Variants in ELMO1 observed in about 807,000 individuals in gnomAD.
ELMO1 encodes the protein engulfment and cell motility protein 1.
ELMO1 carries 26 observed loss-of-function variants against 98.9 expected under a neutral mutation model. The ratio of observed to expected loss-of-function variants is 0.26; its 90% CI spans 0.19 to 0.36. The LOEUF (loss-of-function observed/expected upper bound fraction) is 0.36, where lower values mean the gene tolerates loss of function less well. Ranked by LOEUF, ELMO1 falls within the 10% of genes least tolerant of loss-of-function variation. The pLI is 1.00. For missense variants in ELMO1, 627 were observed against 935.2 expected (o/e 0.67, Z 4.30); for synonymous variants, 346 against 346.0 (o/e 1.00, Z 0.00).
At chr7:37,048,256 T>C (rs192089184) in intron 15 of ELMO1, among the ~76,000 whole-genome samples, 1 of 152,328 alleles carries the variant, frequency 6.6e-6, no homozygotes, top group Admixed American at 6.5e-5. Context: ...CACTGCCAAA[T>C]GTGCCCTGGG....
chr7:36,992,226 G>A (rs1270514676), intron 16 of ELMO1, among the ~76,000 whole-genome samples: 1 of 152,172 alleles, frequency 6.6e-6, no homozygotes, highest in Non-Finnish European at 1.5e-5. Context: ...CTCTTCCAGA[G>A]CACCAGGCTT....
chr7:37,024,652 TCTA>T (rs1794465703), intron 15 of ELMO1, among the ~76,000 whole-genome samples: 1 of 152,210 alleles, frequency 6.6e-6, no homozygotes, highest in African/African-American at 2.4e-5. Flanking sequence ...CTGAGACTCT[TCTA>T]CTATGATGGG....
intron 14 of ELMO1, among the ~76,000 whole-genome samples, chr7:37,129,907 C>T (rs1786791474): frequency 1.3e-5 from 2 of 152,224 alleles, no homozygotes; most frequent in South Asian, 4.1e-4. Context: ...GCCCCGTTTG[C>T]CAGTCCCTGC....
At chr7:37,230,789 CT>C (rs1794129430) in intron 8 of ELMO1, among the ~76,000 whole-genome samples, 1 of 152,190 alleles carries the variant, frequency 6.6e-6, no homozygotes, top group African/African-American at 2.4e-5. Flanking sequence ...ATGATACTCA[CT>C]ATCTTCAGAT....
At chr7:37,057,304 G>A (rs1377534564) in intron 15 of ELMO1, among the ~76,000 whole-genome samples, 8 of 152,042 alleles carry the variant, frequency 5.3e-5, no homozygotes, top group Non-Finnish European at 1.2e-4. Flanking sequence ...GAACCATTTA[G>A]GAATATGTCT....
intron 16 of ELMO1, among the ~76,000 whole-genome samples, chr7:36,935,641 C>T (rs1392746721): frequency 6.6e-6 from 1 of 152,156 alleles, no homozygotes; most frequent in African/African-American, 2.4e-5. Flanking sequence ...CTCAATGACA[C>T]CACAACAGCG....
chr7:37,328,163 A>G (rs1330964469), intron 2 of ELMO1, among the ~76,000 whole-genome samples: 1 of 152,092 alleles, frequency 6.6e-6, no homozygotes, highest in Non-Finnish European at 1.5e-5. Flanking sequence ...TGCGCAGATC[A>G]CTTGAGCTCA....
intron 4 of ELMO1, among the ~76,000 whole-genome samples, chr7:37,289,313 C>T (rs2717980): frequency 0.35 from 53,363 of 151,994 alleles, 10,521 homozygotes; most frequent in Middle Eastern, 0.54. Flanking sequence ...CTTCAGTCAA[C>T]GAGTGGATAT....
chr7:36,879,303 CA>C (rs1383460636), intron 18 of ELMO1, among the ~76,000 whole-genome samples: 3 of 152,156 alleles, frequency 2.0e-5, no homozygotes, highest in Non-Finnish European at 4.4e-5. Flanking sequence ...AATGAAGACC[CA>C]AAGCGACCTG....
intron 2 of ELMO1, among the ~76,000 whole-genome samples, chr7:37,317,404 C>G (rs1046587537): frequency 1.3e-5 from 2 of 152,172 alleles, no homozygotes; most frequent in Non-Finnish European, 2.9e-5. Flanking sequence ...TTCACAATAT[C>G]CAAGATTTGA....
intron 2 of ELMO1, among the ~76,000 whole-genome samples, chr7:37,326,021 T>A (rs2131168775): frequency 6.6e-6 from 1 of 152,314 alleles, no homozygotes; most frequent in African/African-American, 2.4e-5. Flanking sequence ...GAATCAGATG[T>A]GTTCTGAAAA....
At chr7:37,440,705 C>G (rs1814310) in intron 1 of ELMO1, among the ~76,000 whole-genome samples, 80,694 of 149,880 alleles carry the variant, frequency 0.54, 22,245 homozygotes, top group African/African-American at 0.65. Context: ...GTTGGCAGAG[C>G]TTGCAGTGAG....
In ELMO1 at chr7:37,214,461, T is replaced by C. The variant is rs139262929; in HGVS notation, c.832-1004A>G. Among the ~76,000 whole-genome samples, 56 of 152,256 alleles carry C rather than the reference T, an allele frequency of 3.7e-4. No homozygotes were observed. The East Asian group carries it at 6.2e-3, about 17-fold the overall frequency. On this transcript the variant is annotated intron_variant, in intron 11 of 21. Coordinates refer to ENST00000310758, the MANE Select transcript of ELMO1 (RefSeq NM_014800.11). ...AGAGAAAAATGATCTTCCTCCAGGA[T>C]TGGAGGAAGTCTAGGTCCTTAGAGT...
intron 4 of ELMO1, among the ~76,000 whole-genome samples, chr7:37,301,176 A>G (rs551389678): frequency 2.0e-5 from 3 of 152,224 alleles, no homozygotes; most frequent in South Asian, 2.1e-4. Flanking sequence ...TAATAACTCA[A>G]TAAAGGAGAT....
At chr7:37,202,755 A>T (rs1792368143) in intron 13 of ELMO1, among the ~76,000 whole-genome samples, 1 of 151,778 alleles carries the variant, frequency 6.6e-6, no homozygotes, top group Non-Finnish European at 1.5e-5. Flanking sequence ...ATTTTTCCCC[A>T]TCAGAGAGAG....
At chr7:37,040,430 G>A (rs1161856837) in intron 15 of ELMO1, among the ~76,000 whole-genome samples, 1 of 152,086 alleles carries the variant, frequency 6.6e-6, no homozygotes, top group Non-Finnish European at 1.5e-5. Context: ...CCATGTAAAG[G>A]ACTTAGCATC....
intron 16 of ELMO1, among the ~76,000 whole-genome samples, chr7:37,005,364 C>T (rs989840016): frequency 2.0e-5 from 3 of 151,968 alleles, no homozygotes; most frequent in African/African-American, 7.3e-5. Flanking sequence ...GGACCCCATG[C>T]AGCTGAGACC....
At chr7:36,968,138 T>G (rs1353281777) in intron 16 of ELMO1, among the ~76,000 whole-genome samples, 1 of 152,216 alleles carries the variant, frequency 6.6e-6, no homozygotes, top group Non-Finnish European at 1.5e-5. Flanking sequence ...TTTAAGTTTA[T>G]AATTCCATGC....
intron 1 of ELMO1, among the ~76,000 whole-genome samples, chr7:37,417,902 A>AT (rs1804297947): frequency 6.6e-6 from 1 of 152,166 alleles, no homozygotes; most frequent in African/African-American, 2.4e-5. Flanking sequence ...CCATATGAAG[A>AT]TGGAGGCACA....
Sources: gnomAD v4.1 joint callset for allele counts (sites outside exome capture counted in the v4.1 genomes callset) on GRCh38, gnomAD v4.1.1 for gene constraint, MANE v1.5 for transcripts, NCBI Gene and HGNC (gene_info 2026-07-23, HGNC 2026-07-21) for gene names.